The following PTCHD4 variants were observed in gnomAD, a reference collection of about 807,000 sequenced individuals.
PTCHD4 encodes patched domain-containing protein 4.
A neutral mutation model predicts 58.1 loss-of-function variants in PTCHD4; 33 were observed. That is an observed-to-expected ratio of 0.57 (90% CI 0.43 to 0.76). The LOEUF (loss-of-function observed/expected upper bound fraction) is 0.76. Ranked by LOEUF, PTCHD4 falls within the 30% of genes least tolerant of loss-of-function variation. The pLI is 0.00. For synonymous variants in PTCHD4, 478 were observed against 409.6 expected (o/e 1.17, Z -2.02); for missense variants, 1,058 against 1,027.1 (o/e 1.03, Z -0.41).
intron 1 of PTCHD4, among the ~76,000 whole-genome samples, chr6:48,083,580 C>T (rs946995537): frequency 6.6e-6 from 1 of 151,972 alleles, no homozygotes; most frequent in East Asian, 1.9e-4. Context: ...GAAGATTTAC[C>T]AGAATTATTC....
At chr6:48,073,000 A>C (rs944225277) in intron 1 of PTCHD4, among the ~76,000 whole-genome samples, 1 of 152,224 alleles carries the variant, frequency 6.6e-6, no homozygotes, top group African/African-American at 2.4e-5. Context: ...TTCATTAGAA[A>C]GATAAGTTAT....
At chr6:48,075,439 G>GGTTT (rs1562040806) in intron 1 of PTCHD4, among the ~76,000 whole-genome samples, 1 of 136,772 alleles carries the variant, frequency 7.3e-6, no homozygotes, top group Admixed American at 7.3e-5. Context: ...AGTTTTGTGG[G>GGTTT]TTTTTTTTTT....
intron 3 of PTCHD4, among the ~76,000 whole-genome samples, chr6:48,056,598 T>C (rs1764413623): frequency 6.6e-6 from 1 of 152,232 alleles, no homozygotes; most frequent in African/African-American, 2.4e-5. Flanking sequence ...CTCGGGTTTC[T>C]TAAGGCCAGA....
intron 4 of PTCHD4, among the ~76,000 whole-genome samples, chr6:47,908,881 A>G (rs1320590031): frequency 6.6e-6 from 1 of 152,182 alleles, no homozygotes; most frequent in Non-Finnish European, 1.5e-5. Flanking sequence ...GTGACTAATG[A>G]TCCGTTTGAA....
intron 3 of PTCHD4, among the ~76,000 whole-genome samples, chr6:48,009,856 T>C (rs1762605124): frequency 6.6e-6 from 1 of 152,180 alleles, no homozygotes; most frequent in African/African-American, 2.4e-5. Flanking sequence ...CAGATTGAAT[T>C]GCCAAAAGTC....
chr6:47,952,270 C>T (rs1766682841), intron 4 of PTCHD4, among the ~76,000 whole-genome samples: 2 of 152,110 alleles, frequency 1.3e-5, no homozygotes, highest in Non-Finnish European at 2.9e-5. Context: ...GTCTCTTGAG[C>T]TGTGCTGCTG....
intron 4 of PTCHD4, among the ~76,000 whole-genome samples, chr6:47,897,359 T>A (rs1007410801): frequency 6.6e-6 from 1 of 152,212 alleles, no homozygotes; most frequent in African/African-American, 2.4e-5. Context: ...AACAGACAAG[T>A]AAGAAGCGCC....
At chr6:48,105,538 AACT>A (rs2113917340) in intron 1 of PTCHD4, among the ~76,000 whole-genome samples, 1 of 152,372 alleles carries the variant, frequency 6.6e-6, no homozygotes, top group African/African-American at 2.4e-5. Context: ...CAATTAAAAG[AACT>A]AGCGAAGCAA....
At chr6:47,978,644 G>A (rs1767778654) in intron 4 of PTCHD4, among the ~76,000 whole-genome samples, 1 of 152,034 alleles carries the variant, frequency 6.6e-6, no homozygotes, top group Non-Finnish European at 1.5e-5. Context: ...CTTTACATAA[G>A]TTTTCTCATT....
chr6:48,084,424 CTG>C (rs1239693818), intron 1 of PTCHD4, among the ~76,000 whole-genome samples: 2 of 152,116 alleles, frequency 1.3e-5, no homozygotes, highest in African/African-American at 4.8e-5. Context: ...GCTGCTGTAA[CTG>C]TATTTTTAGG....
intron 4 of PTCHD4, among the ~76,000 whole-genome samples, chr6:47,943,859 T>C (rs1766324352): frequency 6.6e-6 from 1 of 152,066 alleles, no homozygotes; most frequent in South Asian, 2.1e-4. Flanking sequence ...CCCTTCCATC[T>C]TATTTTGTCA....
At position 47,858,174 on chromosome 6, in the gene PTCHD4, C is replaced by T. The variant is rs1161275065; in HGVS notation, c.*20129G>A. 6.6e-6 allele frequency among the ~76,000 whole-genome samples: 1 copy of T among 151,876 alleles called. No homozygotes were observed. The highest frequency in any genetic ancestry group is 2.4e-5 in the African/African-American group (1 of 41,370). On this transcript the variant is annotated 3_prime_UTR_variant, in exon 5 of 5. Coordinates refer to ENST00000339488, the MANE Select transcript of PTCHD4 (RefSeq NM_001384253.1). ...CAAGTGAGAGCTCTGAATGAATACT[C>T]CAGCAATTATAGGAGAGGGAAGGTT...
intron 4 of PTCHD4, among the ~76,000 whole-genome samples, chr6:47,936,255 T>C (rs759282705): frequency 2.0e-5 from 3 of 152,164 alleles, no homozygotes; most frequent in Admixed American, 1.3e-4. Flanking sequence ...TAGAGACATA[T>C]CTTGAAGTTC....
chr6:47,920,325 A>AT (rs2113883899), intron 4 of PTCHD4, among the ~76,000 whole-genome samples: 1 of 152,126 alleles, frequency 6.6e-6, no homozygotes, highest in East Asian at 1.9e-4. Flanking sequence ...ATGATTTAGG[A>AT]TTTTTACCTG....
At chr6:48,098,641 A>T (rs1382799473) in intron 1 of PTCHD4, among the ~76,000 whole-genome samples, 1 of 152,126 alleles carries the variant, frequency 6.6e-6, no homozygotes, top group Non-Finnish European at 1.5e-5. Context: ...ACCTGCCTGG[A>T]GTTTCATGAT....
At chr6:47,967,017 A>C (rs1767319922) in intron 4 of PTCHD4, among the ~76,000 whole-genome samples, 2 of 152,172 alleles carry the variant, frequency 1.3e-5, no homozygotes, top group African/African-American at 4.8e-5. Context: ...TGGCATCTAG[A>C]ATGGTGAATC....
Position 47,871,495 on chromosome 6 carries a change from G to A in PTCHD4, c.*6808C>T, listed in dbSNP as rs191565700. 4.6e-5 allele frequency among the ~76,000 whole-genome samples: 7 copies of A among 151,474 alleles called. No individual in the cohort carries two copies. Among genetic ancestry groups the A allele is most frequent in the African/African-American group, 9.7e-5 (4 of 41,368 alleles). On this transcript the variant is annotated 3_prime_UTR_variant, in exon 5 of 5. Coordinates refer to ENST00000339488, the MANE Select transcript of PTCHD4 (RefSeq NM_001384253.1). ...ACTCTCTTTCTGAGTCAATTTTTGA[G>A]CTCTGGGATATCTGTAGGGAGACAA...
chr6:47,991,932 T>C (rs1768294230), intron 4 of PTCHD4, among the ~76,000 whole-genome samples: 1 of 151,910 alleles, frequency 6.6e-6, no homozygotes, highest in Non-Finnish European at 1.5e-5. Flanking sequence ...ATGAGACAAC[T>C]AGAAAGCAAA....
chr6:48,073,409 T>G (rs1226247655), intron 1 of PTCHD4, among the ~76,000 whole-genome samples: 3 of 152,202 alleles, frequency 2.0e-5, no homozygotes, highest in Non-Finnish European at 4.4e-5. Context: ...TGGTCCTGTT[T>G]GTTCATAAAT....
Sources: gnomAD v4.1 joint callset for allele counts (sites outside exome capture counted in the v4.1 genomes callset) on GRCh38, gnomAD v4.1.1 for gene constraint, MANE v1.5 for transcripts, NCBI Gene and HGNC (gene_info 2026-07-23, HGNC 2026-07-21) for gene names.